The following SGCD variants were observed in gnomAD, a reference collection of about 807,000 sequenced individuals.
SGCD encodes the protein delta-sarcoglycan.
Under a neutral mutation model 36.6 loss-of-function variants are expected in SGCD, and 18 were observed. The ratio of observed to expected loss-of-function variants is 0.49; its 90% CI spans 0.34 to 0.73. SGCD has a LOEUF of 0.73. Ranked by LOEUF, SGCD falls within the 30% of genes least tolerant of loss-of-function variation. The pLI is 0.01. For missense variants in SGCD, 387 were observed against 346.7 expected (o/e 1.12, Z -0.92); for synonymous variants, 133 against 130.6 (o/e 1.02, Z -0.12).
intron 3 of SGCD, among the ~76,000 whole-genome samples, chr5:156,462,694 G>T (rs1011629743): frequency 3.3e-5 from 5 of 152,128 alleles, no homozygotes; most frequent in African/African-American, 7.2e-5. Flanking sequence ...AGAATATACA[G>T]ATTTTTCTTT....
At chr5:156,682,841 C>G (rs141797222) in intron 7 of SGCD, among the ~76,000 whole-genome samples, 23 of 152,244 alleles carry the variant, frequency 1.5e-4, no homozygotes, top group Non-Finnish European at 2.8e-4. Flanking sequence ...CCGAAGGTCT[C>G]CAAAGTATTG....
chr5:156,073,484 G>A (rs770992769), intron 1 of SGCD, among the ~76,000 whole-genome samples: 1 of 152,182 alleles, frequency 6.6e-6, no homozygotes, highest in Non-Finnish European at 1.5e-5. Context: ...GATTGCGTGA[G>A]CCCAGGAGGT....
At chr5:156,191,557 CT>C (rs76534858) in intron 3 of SGCD, among the ~76,000 whole-genome samples, 46,842 of 151,882 alleles carry the variant, frequency 0.31, 7,689 homozygotes, top group East Asian at 0.6. Context: ...ATGTCTAGTT[CT>C]TTCTTTGTTG....
intron 1 of SGCD, among the ~76,000 whole-genome samples, chr5:155,968,397 C>A (rs1224357263): frequency 6.6e-6 from 1 of 152,054 alleles, no homozygotes; most frequent in Non-Finnish European, 1.5e-5. Context: ...CTCCCGTTAT[C>A]TGAAGTTTCT....
chr5:156,423,273 CATTAT>C (rs1258559016), intron 3 of SGCD, among the ~76,000 whole-genome samples: 1 of 7,458 alleles, frequency 1.3e-4, no homozygotes, highest in Non-Finnish European at 2.4e-4. Context: ...TATAATATAA[CATTAT>C]ATTATATTTT....
intron 3 of SGCD, among the ~76,000 whole-genome samples, chr5:156,369,260 T>C (rs1770264731): frequency 6.6e-6 from 1 of 152,218 alleles, no homozygotes; most frequent in Non-Finnish European, 1.5e-5. Flanking sequence ...GTTTGCAGTG[T>C]TGTTTTTCTT....
At chr5:156,060,358 G>T (rs1760173173) in intron 1 of SGCD, among the ~76,000 whole-genome samples, 1 of 146,026 alleles carries the variant, frequency 6.8e-6, no homozygotes, top group African/African-American at 2.5e-5. Context: ...AACACTACAA[G>T]ATTTCCCTGG....
intron 5 of SGCD, among the ~76,000 whole-genome samples, chr5:156,591,202 G>C (rs1760711741): frequency 6.6e-6 from 1 of 152,120 alleles, no homozygotes. Flanking sequence ...TGCTGTACTT[G>C]TTGGAAAACA....
intron 3 of SGCD, among the ~76,000 whole-genome samples, chr5:156,226,981 G>A (rs1314082963): frequency 6.6e-6 from 1 of 151,970 alleles, no homozygotes; most frequent in Non-Finnish European, 1.5e-5. Flanking sequence ...TGAGATCGTT[G>A]TAGATTCTAG....
At chr5:156,209,175 T>G (rs1764371220) in intron 3 of SGCD, among the ~76,000 whole-genome samples, 1 of 152,062 alleles carries the variant, frequency 6.6e-6, no homozygotes. Context: ...CAGGCAGAAT[T>G]TCACAGCCTC....
intron 7 of SGCD, among the ~76,000 whole-genome samples, chr5:156,673,823 T>TG (rs1753401722): frequency 1.3e-5 from 2 of 152,224 alleles, no homozygotes; most frequent in Admixed American, 6.5e-5. Flanking sequence ...GCAGATGACA[T>TG]TCTTCAGATA....
chr5:156,297,210 C>T (rs1004377715), intron 3 of SGCD, among the ~76,000 whole-genome samples: 3 of 152,064 alleles, frequency 2.0e-5, no homozygotes, highest in African/African-American at 7.2e-5. Context: ...CTAGTTCAAC[C>T]ATTGTGGAAG....
At chr5:156,119,057 A>G (rs1561526846) in intron 2 of SGCD, among the ~76,000 whole-genome samples, 1 of 152,310 alleles carries the variant, frequency 6.6e-6, no homozygotes, top group South Asian at 2.1e-4. Context: ...GGTGCTGGGT[A>G]TACAATCCAT....
chr5:156,100,297 C>CA (rs879577511), intron 1 of SGCD, among the ~76,000 whole-genome samples: 6,360 of 137,524 alleles, frequency 0.046, 446 homozygotes, highest in African/African-American at 0.15. Flanking sequence ...AACAAGCAAA[C>CA]AAAAAAAAAA....
At chr5:156,609,753 C>T (rs1019375800) in intron 6 of SGCD, among the ~76,000 whole-genome samples, 1 of 152,170 alleles carries the variant, frequency 6.6e-6, no homozygotes, top group Non-Finnish European at 1.5e-5. Context: ...TCTTTTTATA[C>T]TTTTTTCTCT....
At chr5:156,161,860 G>A (rs1187071483) in intron 3 of SGCD, among the ~76,000 whole-genome samples, 2 of 151,582 alleles carry the variant, frequency 1.3e-5, no homozygotes, top group Admixed American at 6.6e-5. Flanking sequence ...AAGTCACAAA[G>A]TCAGATGTAT....
chr5:156,580,883 C>T (rs889477686), intron 4 of SGCD, among the ~76,000 whole-genome samples: 1 of 152,204 alleles, frequency 6.6e-6, no homozygotes, highest in African/African-American at 2.4e-5. Context: ...TATTACCAAC[C>T]TTCTGAAGCC....
the SGCD span, among the ~76,000 whole-genome samples, chr5:155,764,031 TCAAA>T: frequency 6.6e-6 from 1 of 152,168 alleles, no homozygotes; most frequent in Non-Finnish European, 1.5e-5. Flanking sequence ...TTGAAAATTG[TCAAA>T]CTAATTATCC....
chr5:156,283,182 G>T (rs1048555439), intron 3 of SGCD, among the ~76,000 whole-genome samples: 1 of 152,148 alleles, frequency 6.6e-6, no homozygotes, highest in Non-Finnish European at 1.5e-5. Context: ...AGGATGGGCA[G>T]GGTTTCTCCA....
Sources: gnomAD v4.1 joint callset for allele counts (sites outside exome capture counted in the v4.1 genomes callset) on GRCh38, gnomAD v4.1.1 for gene constraint, MANE v1.5 for transcripts, NCBI Gene and HGNC (gene_info 2026-07-23, HGNC 2026-07-21) for gene names.